The following DAB1 variants were observed in gnomAD, a reference collection of about 807,000 sequenced individuals.
DAB1 encodes disabled homolog 1.
DAB1 carries 15 observed loss-of-function variants against 64.6 expected under a neutral mutation model. That is an observed-to-expected ratio of 0.23 (90% confidence interval 0.16 to 0.36). The LOEUF is 0.36. Among genes scored for constraint, DAB1 ranks in the 10% least tolerant of loss-of-function variants. DAB1 has a pLI of 1.00. For synonymous variants in DAB1, 235 were observed against 251.9 expected (o/e 0.93, Z 0.64); for missense variants, 596 against 706.7 (o/e 0.84, Z 1.78).
intron 5 of DAB1, among the ~76,000 whole-genome samples, chr1:57,946,359 T>C (rs1055156774): frequency 6.6e-6 from 1 of 152,216 alleles, no homozygotes; most frequent in African/African-American, 2.4e-5. Context: ...TAGCAAGTCA[T>C]GGTGCCCAAA....
In DAB1 at chr1:57,777,947, A is replaced by G. The variant is rs1022698029; in HGVS notation, n.551+106052T>C. Among the ~76,000 whole-genome samples the G allele has an allele frequency of 2.0e-5, 3 of 152,094 alleles. No individual in the cohort carries two copies. The South Asian group carries it at 6.2e-4, about 32-fold the overall frequency. The stretch of plus-strand genomic sequence containing the variant: ...CAGTTTCTTTCAGATCACCTTGAAC[A>G]TTTAAAGGCTTGTTTTTGAAGTTTG... On this transcript the variant is annotated intron_variant and non_coding_transcript_variant, in intron 6 of 20. Coordinates refer to the DAB1 transcript ENST00000485760.
intron 7 of DAB1, among the ~76,000 whole-genome samples, chr1:57,625,925 A>G (rs1251320057): frequency 1.3e-5 from 2 of 152,214 alleles, no homozygotes; most frequent in African/African-American, 4.8e-5. Flanking sequence ...CCTTTATTTT[A>G]TTAAATAAAG....
At position 57,814,106 on chromosome 1, in the gene DAB1, T is replaced by C. The variant is rs1651748728; in HGVS notation, n.551+69893A>G. On this transcript the variant is annotated intron_variant and non_coding_transcript_variant, in intron 6 of 20. Transcript: ENST00000485760. Reference sequence around the variant, plus strand: ...TTTTTTCATCAGGCTCCCGTCTATGTGTGGGCAAGGCTAAATAAGAAGAAC... The same window carrying C: ...TTTTTTCATCAGGCTCCCGTCTATGCGTGGGCAAGGCTAAATAAGAAGAAC... 2.0e-5 allele frequency among the ~76,000 whole-genome samples: 3 copies of C among 152,256 alleles called. No homozygotes were observed. The South Asian group carries it at 6.2e-4, about 32-fold the overall frequency.
intron 7 of DAB1, among the ~76,000 whole-genome samples, chr1:57,576,809 T>C (rs1209320068): frequency 6.6e-6 from 1 of 152,152 alleles, no homozygotes; most frequent in African/African-American, 2.4e-5. Flanking sequence ...CTGAGACGGG[T>C]GGAAGACTGA....
intron 4 of DAB1, among the ~76,000 whole-genome samples, chr1:58,337,074 G>A (rs965264643): frequency 6.6e-6 from 1 of 152,116 alleles, no homozygotes; most frequent in Non-Finnish European, 1.5e-5. Flanking sequence ...CTGAGGTCAG[G>A]AGTTTGAGAC....
At chr1:57,141,297 T>C (rs1386626345) in intron 3 of DAB1, among the ~76,000 whole-genome samples, 1 of 152,202 alleles carries the variant, frequency 6.6e-6, no homozygotes, top group Non-Finnish European at 1.5e-5. Context: ...TCCTTCTCCA[T>C]GGCTCCAGTT....
At chr1:57,229,941 G>C (rs146796730) in intron 2 of DAB1, among the ~76,000 whole-genome samples, 91 of 152,320 alleles carry the variant, frequency 6.0e-4, no homozygotes, top group African/African-American at 2.1e-3. Flanking sequence ...AAATATGCAA[G>C]ATACTGGCTA....
intron 11 of DAB1, among the ~76,000 whole-genome samples, chr1:57,015,998 A>C (rs1037417700): frequency 2.0e-5 from 3 of 152,214 alleles, no homozygotes; most frequent in African/African-American, 7.2e-5. Context: ...AGCAGTTCTT[A>C]AATCTGTCTA....
intron 6 of DAB1, among the ~76,000 whole-genome samples, chr1:57,732,906 G>A (rs1024748077): frequency 2.0e-5 from 3 of 152,132 alleles, no homozygotes; most frequent in African/African-American, 7.2e-5. Flanking sequence ...TTAAGGCTCT[G>A]CCATTGTTAT....
chr1:58,133,028 G>T (rs1327813313), intron 5 of DAB1, among the ~76,000 whole-genome samples: 4 of 152,100 alleles, frequency 2.6e-5, no homozygotes, highest in Non-Finnish European at 5.9e-5. Flanking sequence ...CATACAAAAA[G>T]CTGACAGATC....
chr1:58,141,384 G>C (rs1050140872), intron 5 of DAB1, among the ~76,000 whole-genome samples: 1 of 151,996 alleles, frequency 6.6e-6, no homozygotes, highest in Non-Finnish European at 1.5e-5. Flanking sequence ...TCACTATCAC[G>C]AGAACAGCAT....
At chr1:57,379,083 C>T (rs1238227244) in intron 1 of DAB1, among the ~76,000 whole-genome samples, 1 of 152,034 alleles carries the variant, frequency 6.6e-6, no homozygotes, top group Non-Finnish European at 1.5e-5. Context: ...TAGGGTGGTT[C>T]TTTACAGTTA....
At chr1:57,379,685 C>A (rs1681198408) in intron 1 of DAB1, among the ~76,000 whole-genome samples, 1 of 152,172 alleles carries the variant, frequency 6.6e-6, no homozygotes. Flanking sequence ...CCAGCTGTAA[C>A]AACTTTCTCC....
intron 7 of DAB1, among the ~76,000 whole-genome samples, chr1:57,594,127 AGACT>A (rs1213472846): frequency 2.0e-5 from 3 of 152,224 alleles, no homozygotes; most frequent in Non-Finnish European, 4.4e-5. Context: ...CCTCTGAAAG[AGACT>A]GACTTCCCCT....
chr1:58,331,336 G>A (rs996503732), intron 4 of DAB1, among the ~76,000 whole-genome samples: 2 of 152,108 alleles, frequency 1.3e-5, no homozygotes, highest in Non-Finnish European at 2.9e-5. Context: ...TTCTTGAGAC[G>A]GAAAGTATTC....
intron 7 of DAB1, among the ~76,000 whole-genome samples, chr1:57,434,063 T>C (rs1187650266): frequency 1.3e-5 from 2 of 152,142 alleles, no homozygotes; most frequent in African/African-American, 4.8e-5. Flanking sequence ...TATCACCTTT[T>C]GGAAAATTAC....
At chr1:57,054,061 C>A (rs796732077) in intron 9 of DAB1, among the ~76,000 whole-genome samples, 5 of 152,202 alleles carry the variant, frequency 3.3e-5, no homozygotes, top group African/African-American at 1.2e-4. Context: ...ATTAGAAAGT[C>A]TTTTATGCCT....
At position 57,998,940 on chromosome 1, in the gene DAB1, C is replaced by A. The variant is rs556668487; in HGVS notation, n.388-114778G>T. Among the ~76,000 whole-genome samples, 4 of 152,232 alleles carry A rather than the reference C, an allele frequency of 2.6e-5. No individual in the cohort carries two copies. In the South Asian group the frequency reaches 6.2e-4, roughly 24 times the overall value. On this transcript the variant is annotated intron_variant and non_coding_transcript_variant, in intron 5 of 20. Coordinates refer to the DAB1 transcript ENST00000485760. ...GGATCTCAGGTGCAATGCTGGCTCT[C>A]CATTTATCTTCCTGCAGGGAATTGG...
intron 4 of DAB1, among the ~76,000 whole-genome samples, chr1:58,248,124 T>C (rs1002489422): frequency 6.6e-6 from 1 of 151,972 alleles, no homozygotes; most frequent in Non-Finnish European, 1.5e-5. Context: ...GAGTGCTGAA[T>C]GGTGGCCATT....
Sources: gnomAD v4.1 joint callset for allele counts (sites outside exome capture counted in the v4.1 genomes callset) on GRCh38, gnomAD v4.1.1 for gene constraint, MANE v1.5 for transcripts, NCBI Gene and HGNC (gene_info 2026-07-23, HGNC 2026-07-21) for gene names.